Variants in EEPD1 observed in about 807,000 individuals in gnomAD.
EEPD1 encodes the protein endonuclease/exonuclease/phosphatase family domain containing 1.
Under a neutral mutation model 46.3 loss-of-function variants are expected in EEPD1, and 17 were observed. The ratio of observed to expected loss-of-function variants is 0.37; its 90% CI spans 0.25 to 0.55. The LOEUF (loss-of-function observed/expected upper bound fraction) is 0.55, where lower values mean the gene tolerates loss of function less well. Among genes scored for constraint, EEPD1 ranks in the 20% least tolerant of loss-of-function variants. The pLI, the probability that EEPD1 is intolerant of heterozygous loss-of-function variation, is 0.83. For synonymous variants in EEPD1, 313 were observed against 315.6 expected (o/e 0.99, Z 0.09); for missense variants, 673 against 745.6 (o/e 0.90, Z 1.13).
At chr7:36,276,237 G>A (rs567067104) in intron 3 of EEPD1, among the ~76,000 whole-genome samples, 64 of 152,232 alleles carry the variant, frequency 4.2e-4, no homozygotes, top group African/African-American at 1.3e-3. Flanking sequence ...TAAAGAAGCC[G>A]GCCAAAACCC....
At chr7:36,156,904 C>T (rs933073835) in intron 2 of EEPD1, among the ~76,000 whole-genome samples, 2 of 152,150 alleles carry the variant, frequency 1.3e-5, no homozygotes, top group Non-Finnish European at 2.9e-5. Flanking sequence ...CAGAACTTTC[C>T]AGGTCTAGTC....
chr7:36,257,732 T>G (rs537119967), intron 3 of EEPD1, among the ~76,000 whole-genome samples: 11 of 152,232 alleles, frequency 7.2e-5, no homozygotes, highest in Admixed American at 2.0e-4. Context: ...TCTAACCTTT[T>G]TTCAAGGTTC....
At chr7:36,230,104 G>C (rs1273494746) in intron 2 of EEPD1, among the ~76,000 whole-genome samples, 1 of 152,042 alleles carries the variant, frequency 6.6e-6, no homozygotes, top group Non-Finnish European at 1.5e-5. Context: ...GTGGAAACTG[G>C]AGTAATGTTT....
chr7:36,279,746 C>G (rs754635694), intron 3 of EEPD1, among the ~76,000 whole-genome samples: 18 of 152,194 alleles, frequency 1.2e-4, no homozygotes, highest in Admixed American at 1.3e-4. Context: ...ATTGCTGGGC[C>G]CACTTCAGAG....
At chr7:36,205,865 A>T (rs1426785647) in intron 2 of EEPD1, among the ~76,000 whole-genome samples, 1 of 152,056 alleles carries the variant, frequency 6.6e-6, no homozygotes, top group Non-Finnish European at 1.5e-5. Flanking sequence ...GCACAGACAA[A>T]ACCCCATAGA....
chr7:36,294,195 A>G (rs1478045926), intron 6 of EEPD1, among the ~76,000 whole-genome samples: 1 of 152,222 alleles, frequency 6.6e-6, no homozygotes, highest in Non-Finnish European at 1.5e-5. Context: ...TAAAGTTAAC[A>G]TGAGTTTAGT....
chr7:36,195,898 C>T (rs1344811800), intron 2 of EEPD1, among the ~76,000 whole-genome samples: 1 of 152,140 alleles, frequency 6.6e-6, no homozygotes, highest in Non-Finnish European at 1.5e-5. Flanking sequence ...GGGATACGTC[C>T]TGAAAAATGT....
At chr7:36,192,124 C>G (rs1054727602) in intron 2 of EEPD1, among the ~76,000 whole-genome samples, 1 of 152,262 alleles carries the variant, frequency 6.6e-6, no homozygotes, top group African/African-American at 2.4e-5. Flanking sequence ...CACCCAAGCC[C>G]TTCACCCTTT....
chr7:36,250,965 A>G (rs1169857414), intron 3 of EEPD1, among the ~76,000 whole-genome samples: 1 of 152,226 alleles, frequency 6.6e-6, no homozygotes, highest in Non-Finnish European at 1.5e-5. Flanking sequence ...AACCCTTACC[A>G]GTGGGGTTTA....
intron 3 of EEPD1, among the ~76,000 whole-genome samples, chr7:36,265,873 T>G (rs1340663404): frequency 6.6e-6 from 1 of 152,230 alleles, no homozygotes; most frequent in African/African-American, 2.4e-5. Flanking sequence ...CTTGCAAACC[T>G]GGGGCAGATC....
Position 36,154,270 on chromosome 7 carries a change from C to T in EEPD1, c.-55C>T. ...CGGCCTACTGGGCTTCCTCCCTAGC[C>T]AGAGAGCTCTTCTGCAGTGGTGCGG... is the stretch of plus-strand genomic sequence containing the variant. On this transcript the variant is annotated 5_prime_UTR_variant, in exon 2 of 8. Transcript: ENST00000242108. This position sits in a 1 kb window ranked among gnomAD's most constrained non-coding sequence, Gnocchi z 4.2. 1.3e-6 allele frequency: 2 copies of T among 1,546,714 alleles called. No homozygotes were observed. Among genetic ancestry groups the T allele is most frequent in the Non-Finnish European group, 1.7e-6 (2 of 1,152,518 alleles).
At chr7:36,270,404 A>C (rs1446569436) in intron 3 of EEPD1, among the ~76,000 whole-genome samples, 1 of 152,134 alleles carries the variant, frequency 6.6e-6, no homozygotes, top group Non-Finnish European at 1.5e-5. Flanking sequence ...GGTTTGCTGA[A>C]CCCATCAATC....
chr7:36,270,995 AT>A (rs36087639), intron 3 of EEPD1, among the ~76,000 whole-genome samples: 110,069 of 150,354 alleles, frequency 0.73, 40,940 homozygotes, highest in Non-Finnish European at 0.81. Context: ...TATTATTATT[AT>A]TTTTTTTTGA....
chr7:36,223,153 A>AAATAAAT (rs1786176271), intron 2 of EEPD1, among the ~76,000 whole-genome samples: 10 of 150,396 alleles, frequency 6.6e-5, no homozygotes, highest in Admixed American at 1.3e-4. Context: ...TGTGTCTCAA[A>AAATAAAT]AAATAAATAA....
chr7:36,158,686 C>A (rs572498796), intron 2 of EEPD1, among the ~76,000 whole-genome samples: 1 of 152,214 alleles, frequency 6.6e-6, no homozygotes, highest in Non-Finnish European at 1.5e-5. Context: ...AGGCAATACT[C>A]TTCCTTGTTC....
intron 2 of EEPD1, among the ~76,000 whole-genome samples, chr7:36,232,747 C>A (rs983177255): frequency 6.6e-6 from 1 of 151,450 alleles, no homozygotes; most frequent in Admixed American, 6.6e-5. Flanking sequence ...TAGCACTGTG[C>A]ATGCCAGGCC....
chr7:36,175,893 A>C (rs923680236), intron 2 of EEPD1, among the ~76,000 whole-genome samples: 1 of 152,122 alleles, frequency 6.6e-6, no homozygotes, highest in Non-Finnish European at 1.5e-5. Flanking sequence ...CTGAACGGGG[A>C]GGAGGTGAAG....
At chr7:36,254,621 A>C (rs1157399150) in intron 3 of EEPD1, among the ~76,000 whole-genome samples, 1 of 152,208 alleles carries the variant, frequency 6.6e-6, no homozygotes, top group African/African-American at 2.4e-5. Flanking sequence ...AGAATGGTTT[A>C]TAATCCTTTG....
At chr7:36,243,307 G>GA (rs1223508161) in intron 3 of EEPD1, among the ~76,000 whole-genome samples, 1 of 53,252 alleles carries the variant, frequency 1.9e-5, no homozygotes, top group South Asian at 4.3e-4. Flanking sequence ...AATTAAGCCT[G>GA]GTTTTTTTTT....
Sources: allele counts gnomAD v4.1 joint callset (sites outside exome capture counted in the v4.1 genomes callset), GRCh38; gene constraint gnomAD v4.1.1; non-coding constraint Gnocchi (gnomAD v3.1); transcripts MANE v1.5; gene names NCBI Gene and HGNC (gene_info 2026-07-23, HGNC 2026-07-21).